CHRM3: variants seen among roughly 807,000 people sequenced by gnomAD.
CHRM3 encodes the protein cholinergic receptor muscarinic 3, also known as muscarinic acetylcholine receptor M3.
Under a neutral mutation model 41.8 loss-of-function variants are expected in CHRM3, and 11 were observed. That is an observed-to-expected ratio of 0.26 (90% CI 0.17 to 0.44). The LOEUF is 0.44. Among genes scored for constraint, CHRM3 ranks in the 20% least tolerant of loss-of-function variants. The pLI, the probability that CHRM3 is intolerant of heterozygous loss-of-function variation, is 1.00. For missense variants in CHRM3, 571 were observed against 745.4 expected, an observed-to-expected ratio of 0.77 and a Z score of 2.72; for synonymous variants, 297 against 301.4, an observed-to-expected ratio of 0.99 and a Z score of 0.15.
At chr1:239,594,541 T>C (rs1379884173) in intron 3 of CHRM3, among the ~76,000 whole-genome samples, 1 of 152,208 alleles carries the variant, frequency 6.6e-6, no homozygotes, top group East Asian at 1.9e-4. Flanking sequence ...CTCATTTTAA[T>C]TTAAAGTCTG....
chr1:239,514,857 G>C (rs1669153628), intron 2 of CHRM3, among the ~76,000 whole-genome samples: 2 of 152,036 alleles, frequency 1.3e-5, no homozygotes, highest in Non-Finnish European at 2.9e-5. Flanking sequence ...AAAACTTGCA[G>C]ACAAGAGATA....
At chr1:239,874,285 GTATATATA>G (rs758413973) in intron 6 of CHRM3, among the ~76,000 whole-genome samples, 1,707 of 83,052 alleles carry the variant, frequency 0.021, 51 homozygotes, top group Non-Finnish European at 0.024. Context: ...TATATACACA[GTATATATA>G]TATATATATA....
rs970623033 is a variant in CHRM3 at position 239,726,085 on chromosome 1, A to T, written c.-147+47797A>T. 2.0e-5 allele frequency among the ~76,000 whole-genome samples: 3 copies of T among 151,920 alleles called. No homozygotes were observed. In the South Asian group the frequency reaches 6.2e-4, roughly 31 times the overall value. Reference sequence around the variant, plus strand: ...ATGCACGTTCATTTACATGTTGTCTATGACTGCTTGTGCACTACAACAGCA... The same window carrying T: ...ATGCACGTTCATTTACATGTTGTCTTTGACTGCTTGTGCACTACAACAGCA... On this transcript the variant is annotated intron_variant, in intron 5 of 6. Transcript: ENST00000676153.
intron 2 of CHRM3, among the ~76,000 whole-genome samples, chr1:239,510,861 T>G (rs1572549738): frequency 6.6e-6 from 1 of 152,044 alleles, no homozygotes; most frequent in Non-Finnish European, 1.5e-5. Flanking sequence ...TGAAATAATT[T>G]CAGCTAGTCT....
chr1:239,465,997 A>ATTTATTTT (rs763309032), intron 1 of CHRM3, among the ~76,000 whole-genome samples: 1 of 151,630 alleles, frequency 6.6e-6, no homozygotes, highest in African/African-American at 2.4e-5. Context: ...TTATTTATTT[A>ATTTATTTT]TTTATTTTTT....
chr1:239,556,392 T>C (rs1328274396), intron 3 of CHRM3, among the ~76,000 whole-genome samples: 1 of 152,212 alleles, frequency 6.6e-6, no homozygotes, highest in Non-Finnish European at 1.5e-5. Context: ...TATCGTCTCA[T>C]GGTTTTTTTG....
At chr1:239,851,127 T>C (rs1320405417) in intron 6 of CHRM3, among the ~76,000 whole-genome samples, 1 of 152,132 alleles carries the variant, frequency 6.6e-6, no homozygotes, top group African/African-American at 2.4e-5. Context: ...TACTTTCCAG[T>C]GAGGCAGAGA....
At chr1:239,839,670 T>C (rs889679110) in intron 6 of CHRM3, among the ~76,000 whole-genome samples, 1 of 152,166 alleles carries the variant, frequency 6.6e-6, no homozygotes, top group African/African-American at 2.4e-5. Flanking sequence ...TTTTAAAATA[T>C]TCAAGGTCAA....
chr1:239,801,841 A>T (rs2148923439), intron 5 of CHRM3, among the ~76,000 whole-genome samples: 1 of 152,132 alleles, frequency 6.6e-6, no homozygotes, highest in African/African-American at 2.4e-5. Flanking sequence ...AACTTTCTAG[A>T]AGCTTTTGTA....
intron 5 of CHRM3, among the ~76,000 whole-genome samples, chr1:239,752,293 A>G (rs549818858): frequency 5.3e-5 from 8 of 152,282 alleles, no homozygotes; most frequent in African/African-American, 1.7e-4. Context: ...TGGGAAAAAG[A>G]CTGTAGTTAG....
intron 1 of CHRM3, among the ~76,000 whole-genome samples, chr1:239,434,258 C>G (rs1379429790): frequency 6.6e-6 from 1 of 152,224 alleles, no homozygotes; most frequent in Admixed American, 6.5e-5. Context: ...GAACAAGTCT[C>G]TCTCTAGTTC....
rs777270001 is a variant in CHRM3 at position 239,878,936 on chromosome 1, G to A, written c.-19-28497G>A. Among the ~76,000 whole-genome samples, 110 of 152,282 alleles carry A rather than the reference G, an allele frequency of 7.2e-4. 2 individuals carry two copies. In the Middle Eastern group the frequency reaches 0.01, roughly 14 times the overall value. On this transcript the variant is annotated intron_variant, in intron 6 of 6. Transcript: ENST00000676153. ...TTGACCAGGTGGCCATGGAGGGTAA[G>A]ACAGGACTTTACAGGTCTACAGTGG...
Position 239,479,190 on chromosome 1 carries a change from CCACA to C in CHRM3, c.-520-13482_-520-13479del, listed in dbSNP as rs56202845. On this transcript the variant is annotated intron_variant, in intron 1 of 6. Coordinates refer to ENST00000676153, the MANE Select transcript of CHRM3 (RefSeq NM_001375978.1). ...CAGAGTGAAACTCCATTTCAAAAAACCACACACACACACACACACACACACACAC... is the reference window on the plus strand; with the variant it reads ...CAGAGTGAAACTCCATTTCAAAAAACCACACACACACACACACACACACAC... Among the ~76,000 whole-genome samples, 965 of 139,976 alleles carry C rather than the reference CCACA, an allele frequency of 6.9e-3. 5 individuals carry two copies. Among genetic ancestry groups the C allele is most frequent in the Admixed American group, 0.012 (166 of 13,920 alleles). The allele number at this position is 139,976 out of a possible 152,430, so 91.8% of individuals were successfully genotyped here.
rs530199201 is a variant in CHRM3, at chr1:239,807,680, T to C, written c.-146-19572T>C. Among the ~76,000 whole-genome samples, 8 of 152,372 alleles carry C rather than the reference T, an allele frequency of 5.3e-5. No homozygotes were observed. In the South Asian group the frequency reaches 1.2e-3, roughly 24 times the overall value. ...CTGGCTTTCCTCACTTCATCTTTGA[T>C]CTTTACATGCTCTGTTAAATTTTAG... On this transcript the variant is annotated intron_variant, in intron 5 of 6. Transcript: ENST00000676153.
chr1:239,585,859 A>ATG (rs1663347174), intron 3 of CHRM3, among the ~76,000 whole-genome samples: 4 of 152,250 alleles, frequency 2.6e-5, no homozygotes, highest in Non-Finnish European at 4.4e-5. Context: ...ATGAATATGC[A>ATG]CTAATTATTT....
intron 1 of CHRM3, among the ~76,000 whole-genome samples, chr1:239,485,565 C>G (rs1479091763): frequency 6.6e-6 from 1 of 152,116 alleles, no homozygotes; most frequent in Non-Finnish European, 1.5e-5. Flanking sequence ...CAGGCATGAG[C>G]CACCACACCT....
intron 4 of CHRM3, among the ~76,000 whole-genome samples, chr1:239,654,573 A>G (rs1186803596): frequency 6.6e-6 from 1 of 151,938 alleles, no homozygotes; most frequent in South Asian, 2.1e-4. Flanking sequence ...TAATTTTTGT[A>G]TTTTTAGTGG....
At chr1:239,775,081 A>G (rs1667985186) in intron 5 of CHRM3, among the ~76,000 whole-genome samples, 1 of 152,164 alleles carries the variant, frequency 6.6e-6, no homozygotes, top group Non-Finnish European at 1.5e-5. Context: ...ACTAAGTGCT[A>G]TTTGATATTT....
At chr1:239,465,031 AT>A (rs897463184) in intron 1 of CHRM3, among the ~76,000 whole-genome samples, 3 of 152,120 alleles carry the variant, frequency 2.0e-5, no homozygotes, top group African/African-American at 7.2e-5. Context: ...CATTTGATTT[AT>A]TTTTCAAAAA....
Sources: allele counts gnomAD v4.1 joint callset (sites outside exome capture counted in the v4.1 genomes callset), GRCh38; gene constraint gnomAD v4.1.1; transcripts MANE v1.5; gene names NCBI Gene and HGNC (gene_info 2026-07-23, HGNC 2026-07-21).